The following CENPW variants were observed in gnomAD, a reference collection of about 807,000 sequenced individuals.
CENPW encodes centromere protein W.
In CENPW, 3 loss-of-function variants were observed where a neutral mutation model predicts 11.1. That is an observed-to-expected ratio of 0.27 (90% CI 0.12 to 0.70). CENPW has a LOEUF of 0.70. CENPW is among the 30% of genes least tolerant of loss of function. The pLI, the probability that CENPW is intolerant of heterozygous loss-of-function variation, is 0.77. For synonymous variants in CENPW, 38 were observed against 42.0 expected, an observed-to-expected ratio of 0.91 and a Z score of 0.37; for missense variants, 100 against 105.6, an observed-to-expected ratio of 0.95 and a Z score of 0.23.
At chr6:126,357,041 C>T in the CENPW span, among the ~76,000 whole-genome samples, 1 of 152,152 alleles carries the variant, frequency 6.6e-6, no homozygotes, top group African/African-American at 2.4e-5. Flanking sequence ...AAGGGTATTT[C>T]CTAGGCTGCT....
chr6:126,477,646 C>G, the CENPW span, among the ~76,000 whole-genome samples: 2 of 151,860 alleles, frequency 1.3e-5, no homozygotes, highest in African/African-American at 2.4e-5. Flanking sequence ...TCTAATGAAC[C>G]CTGAAACCCA....
At chr6:126,406,689 TA>T in the CENPW span, among the ~76,000 whole-genome samples, 1 of 151,950 alleles carries the variant, frequency 6.6e-6, no homozygotes, top group African/African-American at 2.4e-5. Context: ...CCGTCTCTAC[TA>T]AAAATACAAA....
At chr6:126,480,910 A>G in the CENPW span, among the ~76,000 whole-genome samples, 1 of 152,020 alleles carries the variant, frequency 6.6e-6, no homozygotes, top group Non-Finnish European at 1.5e-5. Flanking sequence ...TAAAACATTT[A>G]TATTCTAAAA....
the CENPW span, among the ~76,000 whole-genome samples, chr6:126,434,153 A>T: frequency 1.3e-5 from 2 of 152,142 alleles, no homozygotes; most frequent in Admixed American, 6.6e-5. Context: ...GGAAATTCAC[A>T]TTTGGATTTC....
chr6:126,408,590 A>G, the CENPW span, among the ~76,000 whole-genome samples: 11 of 152,174 alleles, frequency 7.2e-5, no homozygotes, highest in Non-Finnish European at 1.0e-4. Context: ...TACACCTTAT[A>G]CAAAAATTAA....
At chr6:126,409,588 T>C in the CENPW span, among the ~76,000 whole-genome samples, 1 of 151,948 alleles carries the variant, frequency 6.6e-6, no homozygotes, top group Non-Finnish European at 1.5e-5. Flanking sequence ...TATCCATGTG[T>C]TCTGGTGCTT....
the CENPW span, among the ~76,000 whole-genome samples, chr6:126,412,780 A>G: frequency 6.6e-6 from 1 of 151,678 alleles, no homozygotes; most frequent in Admixed American, 6.6e-5. Context: ...CCTTTTTTAG[A>G]TTGAATAATC....
chr6:126,380,095 G>A, the CENPW span, among the ~76,000 whole-genome samples: 2 of 152,142 alleles, frequency 1.3e-5, no homozygotes, highest in Non-Finnish European at 2.9e-5. Context: ...ACTTGCCAGG[G>A]GAATTGCTTG....
At chr6:126,384,802 C>G in the CENPW span, among the ~76,000 whole-genome samples, 1 of 151,800 alleles carries the variant, frequency 6.6e-6, no homozygotes, top group Non-Finnish European at 1.5e-5. Flanking sequence ...TCTGCACAGC[C>G]AAAGAAACTA....
At chr6:126,360,654 T>A in the CENPW span, among the ~76,000 whole-genome samples, 2 of 152,100 alleles carry the variant, frequency 1.3e-5, no homozygotes, top group African/African-American at 2.4e-5. Context: ...TTGAGTTGAT[T>A]TGAAGAACTG....
the CENPW span, among the ~76,000 whole-genome samples, chr6:126,454,516 A>C: frequency 5.1e-4 from 78 of 151,516 alleles, no homozygotes; most frequent in African/African-American, 1.7e-3. Flanking sequence ...ACATTCTTTG[A>C]AATTAATGAG....
At chr6:126,397,222 G>A in the CENPW span, among the ~76,000 whole-genome samples, 3 of 152,082 alleles carry the variant, frequency 2.0e-5, no homozygotes, top group African/African-American at 7.2e-5. Context: ...TGAAACTCAA[G>A]TTTCAACCCC....
At chr6:126,449,259 C>A in the CENPW span, among the ~76,000 whole-genome samples, 1 of 150,898 alleles carries the variant, frequency 6.6e-6, no homozygotes, top group African/African-American at 2.4e-5. Flanking sequence ...AAATCATAAC[C>A]CTTATCACAC....
the CENPW span, among the ~76,000 whole-genome samples, chr6:126,451,048 T>C: frequency 3.3e-5 from 5 of 150,956 alleles, no homozygotes; most frequent in Non-Finnish European, 7.4e-5. Context: ...AAATGCAAAA[T>C]TTCTAATTAA....
chr6:126,471,266 G>C, the CENPW span, among the ~76,000 whole-genome samples: 1 of 152,102 alleles, frequency 6.6e-6, no homozygotes, highest in African/African-American at 2.4e-5. Context: ...CATGAGATCT[G>C]ATGGTTTAAA....
At chr6:126,351,830 A>T (rs1348034928), downstream of CENPW, among the ~76,000 whole-genome samples, 1 of 151,950 alleles carries the variant, frequency 6.6e-6, no homozygotes, top group Admixed American at 6.6e-5. Flanking sequence ...GATGGGTATG[A>T]GACCTTAAGA....
chr6:126,367,770 G>T, the CENPW span, among the ~76,000 whole-genome samples: 1 of 152,162 alleles, frequency 6.6e-6, no homozygotes, highest in African/African-American at 2.4e-5. Context: ...CAGTGGGTCA[G>T]GTATGAAGTA....
chr6:126,451,904 T>G, the CENPW span, among the ~76,000 whole-genome samples: 1 of 151,090 alleles, frequency 6.6e-6, no homozygotes, highest in East Asian at 1.9e-4. Flanking sequence ...ATTCCTGAGC[T>G]CATCTTTGAG....
the CENPW span, among the ~76,000 whole-genome samples, chr6:126,452,355 G>A: frequency 6.6e-6 from 1 of 151,136 alleles, no homozygotes; most frequent in Non-Finnish European, 1.5e-5. Flanking sequence ...TTGTAGAAAT[G>A]CTACAGCAAG....
Sources: gnomAD v4.1 joint callset for allele counts (sites outside exome capture counted in the v4.1 genomes callset) on GRCh38, gnomAD v4.1.1 for gene constraint, MANE v1.5 for transcripts, NCBI Gene and HGNC (gene_info 2026-07-23, HGNC 2026-07-21) for gene names.